FAM227B: variants seen among roughly 807,000 people sequenced by gnomAD.
FAM227B encodes the protein protein FAM227B.
Under a neutral mutation model 73.8 loss-of-function variants are expected in FAM227B, and 88 were observed. The observed-to-expected ratio is 1.19, with a 90% CI of 1.00 to 1.42. The LOEUF (loss-of-function observed/expected upper bound fraction) is 1.42. Ranked by LOEUF, FAM227B falls within the 40% of genes most tolerant of loss-of-function variation. The pLI is 0.00. For missense variants in FAM227B, 632 were observed against 590.9 expected (o/e 1.07, Z -0.72); for synonymous variants, 210 against 190.5 (o/e 1.10, Z -0.84).
chr15:49,408,287 A>G (rs2048652896), intron 11 of FAM227B, among the ~76,000 whole-genome samples: 1 of 152,240 alleles, frequency 6.6e-6, no homozygotes, highest in South Asian at 2.1e-4. Context: ...CTGCCTAATG[A>G]TATAATCTGA....
intron 13 of FAM227B, among the ~76,000 whole-genome samples, chr15:49,350,631 A>G (rs1249477475): frequency 2.0e-5 from 3 of 152,170 alleles, no homozygotes; most frequent in Non-Finnish European, 4.4e-5. Context: ...AAAACAACAG[A>G]TTCAGAACCC....
chr15:49,596,207 T>A (rs1462437330), intron 3 of FAM227B, among the ~76,000 whole-genome samples: 1 of 151,988 alleles, frequency 6.6e-6, no homozygotes, highest in Non-Finnish European at 1.5e-5. Flanking sequence ...TTAAGAGCTA[T>A]GAGGCAAAAG....
intron 11 of FAM227B, among the ~76,000 whole-genome samples, chr15:49,507,526 T>C (rs924588047): frequency 4.6e-5 from 7 of 152,100 alleles, no homozygotes; most frequent in African/African-American, 1.4e-4. Flanking sequence ...ATTAGACTTA[T>C]GTTTGGTATT....
chr15:49,531,070 TTAAGA>T (rs951104280), intron 10 of FAM227B, among the ~76,000 whole-genome samples: 1 of 149,830 alleles, frequency 6.7e-6, no homozygotes, highest in Non-Finnish European at 1.5e-5. Context: ...GCCACAGTGT[TTAAGA>T]TAATATAAAA....
intron 11 of FAM227B, among the ~76,000 whole-genome samples, chr15:49,475,133 C>A (rs1326510878): frequency 6.6e-6 from 1 of 151,828 alleles, no homozygotes; most frequent in African/African-American, 2.4e-5. Context: ...ATTTTTTCAC[C>A]CTGCACTCCG....
At chr15:49,491,323 A>G (rs2057070666) in intron 11 of FAM227B, among the ~76,000 whole-genome samples, 1 of 151,884 alleles carries the variant, frequency 6.6e-6, no homozygotes, top group Non-Finnish European at 1.5e-5. Context: ...TCAGTCACCA[A>G]TTGAAGACCC....
At chr15:49,466,122 C>T (rs929360163) in intron 11 of FAM227B, among the ~76,000 whole-genome samples, 6 of 152,152 alleles carry the variant, frequency 3.9e-5, no homozygotes, top group African/African-American at 1.4e-4. Context: ...CTACTAATCA[C>T]TATGGAGAAA....
chr15:49,383,398 A>G (rs1031709437), intron 11 of FAM227B, among the ~76,000 whole-genome samples: 4 of 152,078 alleles, frequency 2.6e-5, no homozygotes, highest in Admixed American at 6.6e-5. Flanking sequence ...ACTATTTTTA[A>G]ATTAAGGTAT....
At chr15:49,490,642 G>A (rs2057005643) in intron 11 of FAM227B, among the ~76,000 whole-genome samples, 1 of 151,910 alleles carries the variant, frequency 6.6e-6, no homozygotes, top group African/African-American at 2.4e-5. Context: ...TATTTAATGG[G>A]TATAATCATT....
chr15:49,568,412 A>G (rs1046606289), intron 8 of FAM227B, 66 bp from the exon 9 acceptor site: 1 of 1,277,208 alleles, frequency 7.8e-7, no homozygotes, highest in African/African-American at 1.5e-5. Context: ...TTACATGATG[A>G]CAGCAATTTC....
intron 2 of FAM227B, among the ~76,000 whole-genome samples, chr15:49,612,828 A>T (rs2078031399): frequency 6.6e-6 from 1 of 152,206 alleles, no homozygotes; most frequent in African/African-American, 2.4e-5. Context: ...GAATTGGGGG[A>T]TATTTCATTC....
At chr15:49,366,693 TG>T in intron 13 of FAM227B, 1 of 1,443,044 alleles carries the variant, frequency 6.9e-7, no homozygotes, top group Non-Finnish European at 9.6e-7. Flanking sequence ...ATCGGACTGG[TG>T]GGTGGCGGGT....
intron 11 of FAM227B, among the ~76,000 whole-genome samples, chr15:49,479,687 C>T (rs1462930919): frequency 1.5e-5 from 2 of 132,790 alleles, no homozygotes; most frequent in African/African-American, 5.6e-5. Context: ...AATCTCGGCT[C>T]ACTGCAACCT....
chr15:49,460,538 T>G (rs1162597803), intron 11 of FAM227B, among the ~76,000 whole-genome samples: 1 of 152,190 alleles, frequency 6.6e-6, no homozygotes, highest in African/African-American at 2.4e-5. Context: ...TTTTGACATT[T>G]CTTCACAGTT....
chr15:49,565,727 ATAGT>A (rs2074602097), intron 9 of FAM227B, among the ~76,000 whole-genome samples: 2 of 152,296 alleles, frequency 1.3e-5, no homozygotes, highest in South Asian at 4.1e-4. Flanking sequence ...TGCAAATGTG[ATAGT>A]TAAAGATCTT....
intron 11 of FAM227B, among the ~76,000 whole-genome samples, chr15:49,397,681 G>A (rs2151611438): frequency 6.6e-6 from 1 of 152,242 alleles, no homozygotes; most frequent in Admixed American, 6.5e-5. Context: ...AGAAGAGAGT[G>A]GGGGCCAATA....
At chr15:49,379,692 T>C (rs922857060) in intron 11 of FAM227B, among the ~76,000 whole-genome samples, 5 of 152,224 alleles carry the variant, frequency 3.3e-5, no homozygotes, top group Admixed American at 2.6e-4. Context: ...CAGAATCCTC[T>C]GGATTACAAG....
intron 11 of FAM227B, among the ~76,000 whole-genome samples, chr15:49,477,090 G>A (rs2055409777): frequency 1.3e-5 from 2 of 149,930 alleles, no homozygotes; most frequent in Non-Finnish European, 3.0e-5. Flanking sequence ...GCAGATAATA[G>A]AGTTCCCATA....
At chr15:49,517,308 G>T (rs1157269040) in intron 10 of FAM227B, among the ~76,000 whole-genome samples, 3 of 152,024 alleles carry the variant, frequency 2.0e-5, no homozygotes, top group Non-Finnish European at 4.4e-5. Flanking sequence ...CTAAGAAAGT[G>T]ATTACTTCAT....
Sources: gnomAD v4.1 joint callset for allele counts (sites outside exome capture counted in the v4.1 genomes callset) on GRCh38, gnomAD v4.1.1 for gene constraint, MANE v1.5 for transcripts, NCBI Gene and HGNC (gene_info 2026-07-23, HGNC 2026-07-21) for gene names.